Variants in IL1RL2 observed in about 807,000 individuals in gnomAD.
IL1RL2 encodes interleukin 1 receptor like 2, also known as interleukin-1 receptor-like 2.
A neutral mutation model predicts 66.8 loss-of-function variants in IL1RL2; 68 were observed. The ratio of observed to expected loss-of-function variants is 1.02; its 90% CI spans 0.84 to 1.25. IL1RL2 has a LOEUF of 1.25. Ranked by LOEUF, IL1RL2 falls within the 50% of genes most tolerant of loss-of-function variation. The pLI is 0.00. For missense variants in IL1RL2, 729 were observed against 709.3 expected (o/e 1.03, Z -0.32); for synonymous variants, 305 against 264.6 (o/e 1.15, Z -1.48).
At chr2:102,234,668 TC>T (rs1338541390) in intron 10 of IL1RL2, among the ~76,000 whole-genome samples, 1 of 152,050 alleles carries the variant, frequency 6.6e-6, no homozygotes, top group African/African-American at 2.4e-5. Flanking sequence ...GTGTCTGTAA[TC>T]CCAGGTACTT....
rs1674773550 is a variant in IL1RL2 at position 102,235,246 on chromosome 2, G to GCCGCAGCACACAC, written c.1648_1649insCGCAGCACACACC (p.Leu550ProfsTer43). The GCCGCAGCACACAC allele has an allele frequency of 6.2e-7, 1 of 1,613,856 alleles. No homozygotes were observed. Among genetic ancestry groups the GCCGCAGCACACAC allele is most frequent in the African/African-American group, 1.3e-5 (1 of 74,938 alleles). On this transcript the variant is annotated frameshift_variant, in exon 11 of 12. Transcript: ENST00000264257. LOFTEE classifies it low-confidence loss of function (END_TRUNC). ...GTCGGCCGTTTCCTCCGGTCCAGCTGCTGCAGCACACACCTTGCTACCGCA... is the reference window on the plus strand; with the variant it reads ...GTCGGCCGTTTCCTCCGGTCCAGCTGCCGCAGCACACACCTGCAGCACACACCTTGCTACCGCA...
At chr2:102,197,182 G>C (rs1687859158) in intron 4 of IL1RL2, among the ~76,000 whole-genome samples, 1 of 152,136 alleles carries the variant, frequency 6.6e-6, no homozygotes, top group African/African-American at 2.4e-5. Flanking sequence ...AATTTGTAGT[G>C]GTACCAAGAC....
intron 4 of IL1RL2, among the ~76,000 whole-genome samples, chr2:102,197,141 G>T (rs1687856429): frequency 6.6e-6 from 1 of 152,170 alleles, no homozygotes; most frequent in South Asian, 2.1e-4. Context: ...ATTTGAAAGA[G>T]TAATGTAAGT....
At chr2:102,218,837 T>C in intron 6 of IL1RL2, 116 bp from the exon 7 acceptor site, 1 of 863,930 alleles carries the variant, frequency 1.2e-6, no homozygotes, top group Admixed American at 2.7e-5. Flanking sequence ...GGGCTATTTC[T>C]GGTAATCAAA....
At chr2:102,189,942 T>G (rs1687087093) in intron 3 of IL1RL2, among the ~76,000 whole-genome samples, 1 of 152,144 alleles carries the variant, frequency 6.6e-6, no homozygotes, top group South Asian at 2.1e-4. Context: ...CTGAGCCACC[T>G]AGCCCGGCCG....
intron 4 of IL1RL2, among the ~76,000 whole-genome samples, chr2:102,195,651 CTTTCTTTCTTTCT>C (rs1559530518): frequency 1.1e-4 from 3 of 27,252 alleles, no homozygotes; most frequent in African/African-American, 3.1e-4. Context: ...CTCTCTCTTT[CTTTCTTTCTTTCT>C]TTCTTTCTTT....
rs77408734 is a variant in IL1RL2, at chr2:102,235,718, G to T, written c.1678+441G>T. On this transcript the variant is annotated intron_variant, in intron 11 of 11. Transcript: ENST00000264257. The stretch of plus-strand genomic sequence containing the variant: ...CACCAGGAGAGGGTTGGCAAGGATA[G>T]CAGTATTTGTCCACGCCTGTCCAGT... The T allele has an allele frequency of 7.5e-4, 738 of 985,446 alleles. 23 individuals carry two copies. In the East Asian group the frequency reaches 0.064, roughly 85 times the overall value. 61.0% of individuals were successfully genotyped at this position (985,446 alleles called of 1,614,324 possible).
upstream of IL1RL2, chr2:102,186,984 T>G (rs13017584): frequency 7.8e-7 from 1 of 1,278,146 alleles, no homozygotes; most frequent in Non-Finnish European, 1.0e-6. Context: ...CCGCCCACGG[T>G]GGCGGGGAAA....
At chr2:102,237,323 G>A (rs7572853) in intron 11 of IL1RL2, among the ~76,000 whole-genome samples, 28,846 of 152,198 alleles carry the variant, frequency 0.19, 3,257 homozygotes, top group East Asian at 0.32. Flanking sequence ...TTACTGCCCC[G>A]GGGTTAGTCA....
At chr2:102,189,038 T>C in intron 2 of IL1RL2, 38 bp from the exon 3 acceptor site, 4 of 1,496,716 alleles carry the variant, frequency 2.7e-6, no homozygotes, top group Non-Finnish European at 1.8e-6. Context: ...AAGTTTTCTT[T>C]CATGGATAAT....
At position 102,220,013 on chromosome 2, in the gene IL1RL2, C is replaced by T. The variant is rs1689961682; in HGVS notation, c.987C>T (p.Leu329=). Reference sequence around the variant, plus strand: ...CCACAGCATACATTATATTACAGCTCCCAGGTAATACTCCAGTGGGTTACA... The same window carrying T: ...CCACAGCATACATTATATTACAGCTTCCAGGTAATACTCCAGTGGGTTACA... ...GVSTAYIILQ[L]PAPDFRAYLI... The change falls in exon 8 of 12, where the codon CTC becomes CTT. Residue 329 remains leucine (L), a synonymous_variant. Coordinates refer to ENST00000264257, the MANE Select transcript of IL1RL2 (RefSeq NM_003854.4). 1.2e-6 allele frequency: 2 copies of T among 1,609,234 alleles called. No homozygotes were observed. Among genetic ancestry groups the T allele is most frequent in the South Asian group, 1.1e-5 (1 of 90,832 alleles).
intron 3 of IL1RL2, among the ~76,000 whole-genome samples, chr2:102,191,078 C>A (rs1578085575): frequency 6.6e-6 from 1 of 152,086 alleles, no homozygotes; most frequent in East Asian, 1.9e-4. Flanking sequence ...TATATTTTTA[C>A]ATTTATCTTA....
intron 11 of IL1RL2, among the ~76,000 whole-genome samples, chr2:102,238,927 C>T (rs1675099663): frequency 6.6e-6 from 1 of 152,176 alleles, no homozygotes; most frequent in East Asian, 1.9e-4. Flanking sequence ...TTGAGAAGGA[C>T]CTCAGAGCCC....
At chr2:102,225,107 C>T (rs34778121) in intron 8 of IL1RL2, among the ~76,000 whole-genome samples, 66,783 of 151,970 alleles carry the variant, frequency 0.44, 15,208 homozygotes, top group East Asian at 0.6. Flanking sequence ...GTTTGGGCTG[C>T]GGTGAGGCAG....
At chr2:102,199,334 C>T (rs17026775) in intron 4 of IL1RL2, among the ~76,000 whole-genome samples, 2,236 of 152,332 alleles carry the variant, frequency 0.015, 55 homozygotes, top group African/African-American at 0.051. Context: ...GTCTCCTCTT[C>T]ATGGTTTTCT....
intron 8 of IL1RL2, among the ~76,000 whole-genome samples, chr2:102,221,840 C>CT (rs1400547936): frequency 2.0e-5 from 3 of 152,138 alleles, no homozygotes; most frequent in East Asian, 3.9e-4. Context: ...TTCTTTTATA[C>CT]TTTTTTATTG....
chr2:102,218,003 T>A (rs749209340), intron 6 of IL1RL2, among the ~76,000 whole-genome samples: 5 of 152,040 alleles, frequency 3.3e-5, no homozygotes, highest in Admixed American at 6.5e-5. Flanking sequence ...ATCTACAGAA[T>A]GGGAGAAAAT....
chr2:102,200,117 CAAAAAAAAAAAAA>C (rs35208716), intron 4 of IL1RL2, among the ~76,000 whole-genome samples: 1 of 95,148 alleles, frequency 1.1e-5, no homozygotes, highest in African/African-American at 4.0e-5. Flanking sequence ...CCTGTTCCAG[CAAAAAAAAAAAAA>C]AAAAAAAAAG....
chr2:102,241,599 G>C (rs1675233542), downstream of IL1RL2, among the ~76,000 whole-genome samples: 1 of 152,216 alleles, frequency 6.6e-6, no homozygotes, highest in Non-Finnish European at 1.5e-5. Context: ...CATCACAAAT[G>C]ATCTGATGCC....
Sources: gnomAD v4.1 joint callset for allele counts (sites outside exome capture counted in the v4.1 genomes callset) on GRCh38, gnomAD v4.1.1 for gene constraint, MANE v1.5 for transcripts, NCBI Gene and HGNC (gene_info 2026-07-23, HGNC 2026-07-21) for gene names.